Variants in XPOT observed in about 807,000 individuals in gnomAD.
The protein encoded by XPOT is exportin for tRNA.
A neutral mutation model predicts 128.2 loss-of-function variants in XPOT; 34 were observed. That is an observed-to-expected ratio of 0.27 (90% CI 0.20 to 0.35). XPOT has a LOEUF of 0.35. Ranked by LOEUF, XPOT falls within the 10% of genes least tolerant of loss-of-function variation. XPOT has a pLI of 1.00. For synonymous variants in XPOT, 348 were observed against 394.3 expected, an observed-to-expected ratio of 0.88 and a Z score of 1.39; for missense variants, 838 against 1,125.3, an observed-to-expected ratio of 0.74 and a Z score of 3.65.
At chr12:64,415,399 G>C (rs910501901) in intron 3 of XPOT, among the ~76,000 whole-genome samples, 2 of 151,518 alleles carry the variant, frequency 1.3e-5, no homozygotes, top group African/African-American at 4.8e-5. Context: ...TCTTGAGATG[G>C]AGTCTCGCTT....
rs1265581421 is a variant in XPOT at position 64,420,090 on chromosome 12, C to G, written c.510C>G (p.Leu170=). Residue 170 remains leucine (L), a synonymous_variant, in exon 7 of 25, where the codon CTC becomes CTG. Coordinates refer to ENST00000332707, the MANE Select transcript of XPOT (RefSeq NM_007235.6). ...TTTAGGAGGCTCGTAGGAATACTCT[C>G]ATAAAAGATACCATGAGGGAACAGT... is the stretch of plus-strand genomic sequence containing the variant. ...HTSEEARRNT[L]IKDTMREQCI... 1.3e-6 allele frequency: 2 copies of G among 1,583,044 alleles called. No homozygotes were observed. The highest frequency in any genetic ancestry group is 2.7e-5 in the African/African-American group (2 of 73,376).
chr12:64,437,669 G>A (rs915801848), intron 22 of XPOT, among the ~76,000 whole-genome samples: 4 of 152,288 alleles, frequency 2.6e-5, no homozygotes, highest in Non-Finnish European at 5.9e-5. Context: ...GAAAGTGTTC[G>A]GAACAATGGG....
intron 17 of XPOT, among the ~76,000 whole-genome samples, chr12:64,430,869 G>T (rs1170968445): frequency 6.6e-6 from 1 of 152,136 alleles, no homozygotes; most frequent in Non-Finnish European, 1.5e-5. Flanking sequence ...CCTAGTACAG[G>T]CCTAGTCATA....
chr12:64,431,477 TA>T, intron 17 of XPOT, 60 bp from the exon 18 acceptor site: 1 of 1,526,004 alleles, frequency 6.6e-7, no homozygotes, highest in Non-Finnish European at 8.9e-7. Flanking sequence ...TGCTTTTGAA[TA>T]CTCCATAACA....
At chr12:64,423,667 T>C (rs2040163685) in intron 11 of XPOT, among the ~76,000 whole-genome samples, 2 of 152,166 alleles carry the variant, frequency 1.3e-5, no homozygotes, top group Non-Finnish European at 2.9e-5. Context: ...TTGGCCAAGT[T>C]GGTCTTGAAC....
At chr12:64,414,031 T>C (rs2040064755) in intron 2 of XPOT, among the ~76,000 whole-genome samples, 1 of 152,244 alleles carries the variant, frequency 6.6e-6, no homozygotes, top group Non-Finnish European at 1.5e-5. Flanking sequence ...CATCTAGCAG[T>C]GCTTCCAGTT....
chr12:64,449,113 T>G lies in XPOT; in HGVS notation c.*982T>G, dbSNP rs1221670571. On this transcript the variant is annotated 3_prime_UTR_variant, in exon 25 of 25. Transcript: ENST00000332707. ...AGGAGGCTGAGGCAGGAGAATCGCT[T>G]GAACCCGGAAGGCAGAGGTTGCAGT... is the stretch of plus-strand genomic sequence containing the variant. The G allele has an allele frequency of 6.6e-6, 1 of 151,136 alleles. No homozygotes were observed. The highest frequency in any genetic ancestry group is 1.5e-5 in the Non-Finnish European group (1 of 68,162). 9.4% of individuals were successfully genotyped at this position (151,136 alleles called of 1,614,324 possible).
intron 18 of XPOT, among the ~76,000 whole-genome samples, chr12:64,432,652 A>G (rs984950011): frequency 6.6e-6 from 1 of 152,206 alleles, no homozygotes; most frequent in Non-Finnish European, 1.5e-5. Flanking sequence ...AGTTGAGGAA[A>G]CTGAGGCATG....
chr12:64,412,116 C>T (rs7488918), intron 2 of XPOT, among the ~76,000 whole-genome samples: 13,125 of 148,924 alleles, frequency 0.088, 779 homozygotes, highest in Middle Eastern at 0.22. Context: ...CTCCAACTCC[C>T]GGGTTCAAGA....
chr12:64,417,919 A>T, intron 4 of XPOT, 127 bp from the exon 5 acceptor site: 1 of 607,878 alleles, frequency 1.6e-6, no homozygotes, highest in East Asian at 3.0e-5. Flanking sequence ...TTATCAGTTT[A>T]TGTTAGGGAA....
chr12:64,433,398 G>A lies in XPOT; in HGVS notation c.2263-16G>A. ...TATTGTTACTAATTTCTGAAGTAAT[G>A]ATTGTTTATCTTCAGATACAGGTAT... On this transcript the variant is annotated splice_polypyrimidine_tract_variant and intron_variant, in intron 18 of 24. Coordinates refer to ENST00000332707, the MANE Select transcript of XPOT (RefSeq NM_007235.6). 6.6e-7 allele frequency: 1 copy of A among 1,509,194 alleles called. No homozygotes were observed. Among genetic ancestry groups the A allele is most frequent in the African/African-American group, 1.4e-5 (1 of 71,196 alleles). 93.5% of individuals were successfully genotyped at this position (1,509,194 alleles called of 1,614,324 possible).
chr12:64,412,108 C>G (rs1278176960), intron 2 of XPOT, among the ~76,000 whole-genome samples: 1 of 146,372 alleles, frequency 6.8e-6, no homozygotes, highest in Non-Finnish European at 1.5e-5. Context: ...ACAGCAACCT[C>G]CAACTCCCGG....
chr12:64,443,787 T>C (rs935848369), intron 23 of XPOT, among the ~76,000 whole-genome samples: 32 of 152,174 alleles, frequency 2.1e-4, no homozygotes, highest in Non-Finnish European at 4.3e-4. Context: ...TTTATAATGC[T>C]GTTTTTTTCA....
chr12:64,432,308 C>G (rs548041694), intron 18 of XPOT, among the ~76,000 whole-genome samples: 1 of 151,608 alleles, frequency 6.6e-6, no homozygotes, highest in Non-Finnish European at 1.5e-5. Context: ...TGCAGTGGCG[C>G]GGTCACAACT....
intron 1 of XPOT, among the ~76,000 whole-genome samples, chr12:64,406,870 G>A (rs2039988496): frequency 6.6e-6 from 1 of 152,146 alleles, no homozygotes; most frequent in African/African-American, 2.4e-5. Context: ...TTTTAAAAAT[G>A]CTGATCTGGT....
Position 64,448,357 on chromosome 12 carries a change from C to T in XPOT, c.*226C>T. The T allele has an allele frequency of 2.0e-6, 1 of 510,106 alleles. No individual in the cohort carries two copies. Among genetic ancestry groups the T allele is most frequent in the Non-Finnish European group, 3.5e-6 (1 of 286,600 alleles). 31.6% of individuals were successfully genotyped at this position (510,106 alleles called of 1,614,324 possible). A position where few individuals can be genotyped will look rare whatever the true frequency, so the allele number is the denominator to read the frequency against. Reference sequence around the variant, plus strand: ...GTCCAAATTGTTCTGTATAAAGATGCTCTTAAAAGACACAAGAGTTATCCT... The same window carrying T: ...GTCCAAATTGTTCTGTATAAAGATGTTCTTAAAAGACACAAGAGTTATCCT... On this transcript the variant is annotated 3_prime_UTR_variant, in exon 25 of 25. Coordinates refer to ENST00000332707, the MANE Select transcript of XPOT (RefSeq NM_007235.6).
chr12:64,420,467 A>G lies in XPOT; in HGVS notation c.789A>G (p.Leu263=), dbSNP rs754546417. 2 of 1,613,876 alleles carry G rather than the reference A, an allele frequency of 1.2e-6. No individual in the cohort carries two copies. The highest frequency in any genetic ancestry group is 1.7e-6 in the Non-Finnish European group (2 of 1,179,878). Residue 263 remains leucine (L), a synonymous_variant, in exon 8 of 25, where the codon CTA becomes CTG. Transcript: ENST00000332707. ...KGMDPVDKMK[L]VESLCQVLQS... is the part of the protein sequence containing the mutation. ...TGGACCCTGTTGATAAAATGAAACT[A>G]GTGGAATCTTTGTGTCAAGTATTAC...
intron 21 of XPOT, 126 bp from the exon 22 acceptor site, chr12:64,435,501 G>T: frequency 1.4e-6 from 1 of 715,818 alleles, no homozygotes. Context: ...CCCTTCTCTG[G>T]AGTTAAATAT....
chr12:64,434,753 T>G (rs1455459960), intron 20 of XPOT, 41 bp from the exon 21 acceptor site: 4 of 1,589,724 alleles, frequency 2.5e-6, no homozygotes, highest in South Asian at 1.1e-5. Flanking sequence ...TTAATTGACT[T>G]ACTTTTATAT....
Sources: gnomAD v4.1 joint callset for allele counts (sites outside exome capture counted in the v4.1 genomes callset) on GRCh38, gnomAD v4.1.1 for gene constraint, MANE v1.5 for transcripts, NCBI Gene and HGNC (gene_info 2026-07-23, HGNC 2026-07-21) for gene names.